ADK: variants seen among roughly 807,000 people sequenced by gnomAD.
The protein encoded by ADK is adenosine kinase.
Under a neutral mutation model 44.7 loss-of-function variants are expected in ADK, and 24 were observed. That is an observed-to-expected ratio of 0.54 (90% confidence interval 0.39 to 0.76). The LOEUF is 0.76. Among genes scored for constraint, ADK ranks in the 30% least tolerant of loss-of-function variants. The pLI is 0.00. For synonymous variants in ADK, 128 were observed against 142.6 expected (o/e 0.90, Z 0.73); for missense variants, 321 against 425.1 (o/e 0.76, Z 2.15).
chr10:74,394,764 C>T (rs536585058), intron 5 of ADK, among the ~76,000 whole-genome samples: 1 of 152,062 alleles, frequency 6.6e-6, no homozygotes, highest in African/African-American at 2.4e-5. Context: ...CATTCAGGCT[C>T]GTAAGACTTA....
chr10:74,358,780 A>G (rs1842226261), intron 4 of ADK, among the ~76,000 whole-genome samples: 1 of 152,250 alleles, frequency 6.6e-6, no homozygotes, highest in Non-Finnish European at 1.5e-5. Context: ...GTGCAGATGA[A>G]TCGAACATAG....
chr10:74,340,428 G>A (rs1841545508), intron 4 of ADK, among the ~76,000 whole-genome samples: 1 of 152,002 alleles, frequency 6.6e-6, no homozygotes, highest in East Asian at 1.9e-4. Flanking sequence ...GTCTAAACCA[G>A]GTTTCAGGTG....
intron 9 of ADK, among the ~76,000 whole-genome samples, chr10:74,613,124 A>C (rs899045130): frequency 6.6e-6 from 1 of 152,156 alleles, no homozygotes; most frequent in South Asian, 2.1e-4. Flanking sequence ...CTGCCTTCTT[A>C]AAAGCACCTT....
At chr10:74,155,616 G>A (rs575148195) in intron 1 of ADK, among the ~76,000 whole-genome samples, 14 of 152,196 alleles carry the variant, frequency 9.2e-5, no homozygotes, top group East Asian at 1.9e-4. Context: ...TGCAAGCTCC[G>A]CTTCCCGGGT....
At chr10:74,306,824 A>G (rs1176393929) in intron 3 of ADK, among the ~76,000 whole-genome samples, 1 of 152,198 alleles carries the variant, frequency 6.6e-6, no homozygotes, top group Non-Finnish European at 1.5e-5. Flanking sequence ...GTCCACCAGA[A>G]TGAGGGTACC....
intron 6 of ADK, among the ~76,000 whole-genome samples, chr10:74,509,770 T>A (rs1388040709): frequency 1.3e-5 from 2 of 152,186 alleles, no homozygotes; most frequent in Non-Finnish European, 2.9e-5. Flanking sequence ...ATATCCTCTG[T>A]TCTACCTTTT....
At chr10:74,677,965 CAAAA>C (rs3037448) in intron 10 of ADK, among the ~76,000 whole-genome samples, 28 of 43,074 alleles carry the variant, frequency 6.5e-4, no homozygotes, top group African/African-American at 1.7e-3. Flanking sequence ...CCAGTCTCTA[CAAAA>C]AAAAAAAAAA....
At chr10:74,300,259 T>TTTCTTTCC (rs1839964689) in intron 3 of ADK, among the ~76,000 whole-genome samples, 2 of 60,992 alleles carry the variant, frequency 3.3e-5, no homozygotes, top group East Asian at 3.6e-4. Context: ...TCTCTCCTTG[T>TTTCTTTCC]TTCCTTCCTT....
chr10:74,463,095 T>A (rs1423094636), intron 6 of ADK, among the ~76,000 whole-genome samples: 2 of 152,130 alleles, frequency 1.3e-5, no homozygotes, highest in Admixed American at 6.6e-5. Context: ...TTTTTCTAGT[T>A]TTAAAATAAA....
At chr10:74,362,686 G>T (rs1449078088) in intron 4 of ADK, among the ~76,000 whole-genome samples, 1 of 152,184 alleles carries the variant, frequency 6.6e-6, no homozygotes, top group Admixed American at 6.5e-5. Context: ...GTTTGTGCCT[G>T]TCCTTCTTCA....
At chr10:74,529,792 G>GTATATTTTAGAACA (rs1375281352) in intron 7 of ADK, among the ~76,000 whole-genome samples, 1 of 152,124 alleles carries the variant, frequency 6.6e-6, no homozygotes, top group Non-Finnish European at 1.5e-5. Flanking sequence ...TGGATACATA[G>GTATATTTTAGAACA]TATATTTTAG....
At chr10:74,629,619 T>C (rs1853340303) in intron 9 of ADK, among the ~76,000 whole-genome samples, 1 of 152,200 alleles carries the variant, frequency 6.6e-6, no homozygotes. Context: ...AGCTTATACT[T>C]GTGAAGTGTA....
intron 6 of ADK, among the ~76,000 whole-genome samples, chr10:74,472,307 A>T (rs975095360): frequency 6.6e-6 from 1 of 152,088 alleles, no homozygotes; most frequent in African/African-American, 2.4e-5. Flanking sequence ...GGCTTTTCAT[A>T]TACAGTCTTT....
At chr10:74,407,398 T>C (rs544569044) in intron 6 of ADK, among the ~76,000 whole-genome samples, 12 of 152,246 alleles carry the variant, frequency 7.9e-5, no homozygotes, top group Non-Finnish European at 1.6e-4. Context: ...CTTTTACTCA[T>C]GCCATATCTC....
chr10:74,614,902 A>G (rs1231323430), intron 9 of ADK, among the ~76,000 whole-genome samples: 3 of 152,156 alleles, frequency 2.0e-5, no homozygotes, highest in Non-Finnish European at 2.9e-5. Context: ...TGTATGTATA[A>G]TAACCTATGT....
intron 1 of ADK, among the ~76,000 whole-genome samples, chr10:74,166,095 A>G (rs979507912): frequency 5.9e-5 from 9 of 152,120 alleles, no homozygotes; most frequent in African/African-American, 2.2e-4. Context: ...ATGCGCCACC[A>G]CACCCAGTGA....
intron 2 of ADK, among the ~76,000 whole-genome samples, chr10:74,214,764 G>T (rs1363193173): frequency 6.6e-6 from 1 of 152,122 alleles, no homozygotes; most frequent in Admixed American, 6.6e-5. Context: ...TGAGCTAATT[G>T]AATTCTTCAT....
At chr10:74,176,933 C>T (rs774084023) in intron 1 of ADK, 6 of 1,605,866 alleles carry the variant, frequency 3.7e-6, no homozygotes, top group Non-Finnish European at 5.1e-6. Context: ...GGGCGTTAGC[C>T]TCCCGAGCGC....
chr10:74,295,333 G>A (rs1564638050), intron 3 of ADK, among the ~76,000 whole-genome samples: 2 of 151,600 alleles, frequency 1.3e-5, no homozygotes, highest in African/African-American at 2.4e-5. Flanking sequence ...ATGGTGGCAC[G>A]TGCTTGTAAT....
Sources: allele counts gnomAD v4.1 joint callset (sites outside exome capture counted in the v4.1 genomes callset), GRCh38; gene constraint gnomAD v4.1.1; transcripts MANE v1.5; gene names NCBI Gene and HGNC (gene_info 2026-07-23, HGNC 2026-07-21).